CLEC4F: variants seen among roughly 807,000 people sequenced by gnomAD.
CLEC4F encodes C-type lectin domain family 4 member F.
CLEC4F carries 45 observed loss-of-function variants against 53.4 expected under a neutral mutation model. That is an observed-to-expected ratio of 0.84 (90% CI 0.66 to 1.08). The LOEUF is 1.08. Ranked by LOEUF, CLEC4F falls within the 50% of genes least tolerant of loss-of-function variation. The probability of loss-of-function intolerance (pLI) is 0.00; values close to 1 mark genes in which losing one functional copy is unlikely to be tolerated. For synonymous variants in CLEC4F, 245 were observed against 257.5 expected (o/e 0.95, Z 0.46); for missense variants, 753 against 698.2 (o/e 1.08, Z -0.88).
intron 4 of CLEC4F, 42 bp from the exon 5 acceptor site, chr2:70,812,640 G>C (rs1173600681): frequency 2.5e-6 from 4 of 1,606,286 alleles, no homozygotes; most frequent in Admixed American, 1.7e-5. Context: ...AGGAGCTGCT[G>C]GTAGGAGTCC....
At chr2:70,812,061 T>C (rs1015448955) in intron 5 of CLEC4F, among the ~76,000 whole-genome samples, 2 of 151,904 alleles carry the variant, frequency 1.3e-5, no homozygotes, top group Non-Finnish European at 2.9e-5. Flanking sequence ...GCTACTGCAC[T>C]CCAGCCTGGA....
intron 5 of CLEC4F, among the ~76,000 whole-genome samples, chr2:70,811,739 G>C (rs1553394320): frequency 6.6e-6 from 1 of 151,986 alleles, no homozygotes; most frequent in East Asian, 1.9e-4. Context: ...AAGAAGCCTG[G>C]GTCTCCTATT....
upstream of CLEC4F, among the ~76,000 whole-genome samples, chr2:70,821,948 G>A (rs1242266307): frequency 2.6e-5 from 4 of 151,964 alleles, no homozygotes; most frequent in African/African-American, 9.7e-5. Flanking sequence ...TTGTAGAGAT[G>A]GGATCTCTTT....
In CLEC4F at chr2:70,810,533, CCCTTGAA is replaced by C. The variant is rs1676491552; in HGVS notation, c.1540-683_1540-677del. Among the ~76,000 whole-genome samples the C allele has an allele frequency of 2.1e-5, 3 of 145,466 alleles. No individual in the cohort carries two copies. In the Admixed American group the frequency reaches 2.2e-4, roughly 11 times the overall value. On this transcript the variant is annotated intron_variant, in intron 5 of 6. Coordinates refer to ENST00000272367, the MANE Select transcript of CLEC4F (RefSeq NM_173535.3). Reference sequence around the variant, plus strand: ...ACTTGGGAAGCTGAGGCAGGAGAATCCCTTGAACCCGGGAGGCGGAGGTTGCAGTGAG... The same window carrying C: ...ACTTGGGAAGCTGAGGCAGGAGAATCCCCGGGAGGCGGAGGTTGCAGTGAG...
chr2:70,818,351 G>A (rs1202661358), intron 3 of CLEC4F, among the ~76,000 whole-genome samples: 1 of 152,192 alleles, frequency 6.6e-6, no homozygotes, highest in Non-Finnish European at 1.5e-5. Flanking sequence ...AACAAATGGT[G>A]CTGGAACAAT....
intron 4 of CLEC4F, 35 bp from the exon 5 acceptor site, chr2:70,812,633 A>G (rs782073937): frequency 1.9e-6 from 3 of 1,610,780 alleles, no homozygotes; most frequent in South Asian, 2.2e-5. Flanking sequence ...GAGAACCAGG[A>G]GCTGCTGGTA....
rs1676396000 is a variant in CLEC4F at position 70,809,133 on chromosome 2, G to C, written c.*138C>G. Reference sequence around the variant, plus strand: ...GATGAAGGCAGCATCCCTTCCTGGTGCTGTGGCTCCTAGGGAGCTGACATG... The same window carrying C: ...GATGAAGGCAGCATCCCTTCCTGGTCCTGTGGCTCCTAGGGAGCTGACATG... On this transcript the variant is annotated 3_prime_UTR_variant, in exon 7 of 7. Transcript: ENST00000272367. The C allele has an allele frequency of 6.4e-7, 1 of 1,551,544 alleles. No homozygotes were observed. The highest frequency in any genetic ancestry group is 1.4e-5 in the African/African-American group (1 of 73,110).
rs782481443 is a variant in CLEC4F, at chr2:70,809,796, G to C, written c.1601C>G (p.Thr534Arg). ...ATCTGTCCAGCGCCAGGAGCCCTCT[G>C]TGCCCCTGTCAGTGAGACCGATCCA... ...YYWIGLTDRGTEGSWRWTDGT... is the reference protein window; with the variant it reads ...YYWIGLTDRGREGSWRWTDGT... Residue 534 changes from threonine (T) to arginine (R), a missense_variant, in exon 6 of 7, where the codon ACA becomes AGA. Thr to Arg is a moderately conservative substitution (Grantham distance 71). Coordinates refer to ENST00000272367, the MANE Select transcript of CLEC4F (RefSeq NM_173535.3). 5 of 1,614,220 alleles carry C rather than the reference G, an allele frequency of 3.1e-6. No individual in the cohort carries two copies. Among genetic ancestry groups the C allele is most frequent in the Admixed American group, 1.7e-5 (1 of 60,018 alleles).
Position 70,816,455 on chromosome 2 carries a change from C to T in CLEC4F, c.926G>A (p.Ser309Asn). ...GATCTCAGCACTAGTGTTGTCAAAACTGCTTTTTATAAAGGCCTGGGTCTG... is the reference window on the plus strand; with the variant it reads ...GATCTCAGCACTAGTGTTGTCAAAATTGCTTTTTATAAAGGCCTGGGTCTG... ...NSQTQAFIKS[S>N]FDNTSAEIQF... Residue 309 changes from serine to asparagine, a missense_variant, in exon 4 of 7, where the codon AGT (serine) becomes AAT (asparagine). Ser to Asn is a conservative substitution (Grantham distance 46). Transcript: ENST00000272367. 1 of 1,614,112 alleles carries T rather than the reference C, an allele frequency of 6.2e-7. No homozygotes were observed. Among genetic ancestry groups the T allele is most frequent in the African/African-American group, 1.3e-5 (1 of 75,026 alleles).
Position 70,819,802 on chromosome 2 carries a change from A to C in CLEC4F, c.151T>G (p.Phe51Val). The change falls in exon 2 of 7, where the codon TTC becomes GTC. Residue 51 changes from phenylalanine (F) to valine (V), a missense_variant. By Grantham distance (50) the Phe-to-Val change is conservative (BLOSUM62 -1). Coordinates refer to ENST00000272367, the MANE Select transcript of CLEC4F (RefSeq NM_173535.3). Reference sequence around the variant, plus strand: ...ACTACAAAGAGAGTCACAAGAGAGAAGACCAAGGTCACAGCCATAAATGCC... The same window carrying C: ...ACTACAAAGAGAGTCACAAGAGAGACGACCAAGGTCACAGCCATAAATGCC... Reference protein sequence around the residue: ...TPAFMAVTLVFSLVTLFVVVQ... With the variant: ...TPAFMAVTLVVSLVTLFVVVQ... 6.2e-7 allele frequency: 1 copy of C among 1,604,740 alleles called. No individual in the cohort carries two copies. The highest frequency in any genetic ancestry group is 8.5e-7 in the Non-Finnish European group (1 of 1,176,110).
At position 70,812,533 on chromosome 2, in the gene CLEC4F, T is replaced by A; in HGVS notation, c.1453A>T (p.Ser485Cys). 1.2e-6 allele frequency: 2 copies of A among 1,614,112 alleles called. No individual in the cohort carries two copies. ...FNGGSLYYFS[S>C]VKKSWHEAEQ... ...GCCTCATGCCAAGACTTCTTGACAC[T>A]AGAAAAATAATATAAGCTTCCACCA... Residue 485 changes from serine to cysteine, a missense_variant, in exon 5 of 7, where the codon AGT (serine) becomes TGT (cysteine). Physicochemically the swap from Ser to Cys is moderately radical, Grantham distance 112. Transcript: ENST00000272367.
chr2:70,824,046 G>GA (rs1187004796), upstream of CLEC4F, among the ~76,000 whole-genome samples: 1 of 75,084 alleles, frequency 1.3e-5, no homozygotes, highest in African/African-American at 5.3e-5. Context: ...AAGAAAGAAA[G>GA]AAAGAAAGAA....
upstream of CLEC4F, among the ~76,000 whole-genome samples, chr2:70,824,645 A>AAAAAAAAAAAAAAG (rs1558624383): frequency 2.0e-5 from 3 of 150,772 alleles, no homozygotes; most frequent in East Asian, 1.9e-4. Flanking sequence ...AAAAAAAAAA[A>AAAAAAAAAAAAAAG]ACTGAGGGAA....
chr2:70,820,855 C>A (rs1288439506), upstream of CLEC4F, among the ~76,000 whole-genome samples: 4 of 152,132 alleles, frequency 2.6e-5, no homozygotes, highest in African/African-American at 9.7e-5. Context: ...GGACTGGCAC[C>A]TAGGAAGGGG....
intron 4 of CLEC4F, among the ~76,000 whole-genome samples, chr2:70,815,236 C>G (rs1435467515): frequency 6.6e-6 from 1 of 152,188 alleles, no homozygotes; most frequent in Non-Finnish European, 1.5e-5. Flanking sequence ...ACCCTATTTG[C>G]TTGGCAAACA....
chr2:70,824,398 G>T (rs1310296208), upstream of CLEC4F, among the ~76,000 whole-genome samples: 28 of 151,770 alleles, frequency 1.8e-4, no homozygotes, highest in Non-Finnish European at 3.8e-4. Flanking sequence ...AAAAAAATTA[G>T]ATGTACACAC....
intron 3 of CLEC4F, 63 bp downstream of exon 3, chr2:70,819,292 T>C (rs1574383166): frequency 8.1e-7 from 1 of 1,241,888 alleles, no homozygotes; most frequent in East Asian, 2.3e-5. Flanking sequence ...AAGCTCATCC[T>C]AGGGTCTGAG....
Position 70,816,051 on chromosome 2 carries a change from G to A in CLEC4F, c.1330C>T (p.Arg444Cys), listed in dbSNP as rs371084334. ...LTMEIQQEQS[R>C]LKTLHVVITS... Reference sequence around the variant, plus strand: ...ATGACCACATGGAGGGTCTTCAGGCGACTCTGCTCCTGCTGGATTTCCATG... The same window carrying A: ...ATGACCACATGGAGGGTCTTCAGGCAACTCTGCTCCTGCTGGATTTCCATG... The change falls in exon 4 of 7, where the codon CGC becomes TGC. Residue 444 changes from arginine (R) to cysteine (C), a missense_variant. By Grantham distance (180) the Arg-to-Cys change is radical. Coordinates refer to ENST00000272367, the MANE Select transcript of CLEC4F (RefSeq NM_173535.3). 1.5e-5 allele frequency: 25 copies of A among 1,614,056 alleles called. No individual in the cohort carries two copies. The highest frequency in any genetic ancestry group is 1.6e-4 in the Middle Eastern group (1 of 6,084).
chr2:70,823,255 A>C (rs1488537234), upstream of CLEC4F, among the ~76,000 whole-genome samples: 1 of 152,178 alleles, frequency 6.6e-6, no homozygotes, highest in Non-Finnish European at 1.5e-5. Context: ...AGCAGGAATG[A>C]AGGGTGAAGG....
Sources: allele counts gnomAD v4.1 joint callset (sites outside exome capture counted in the v4.1 genomes callset), GRCh38; gene constraint gnomAD v4.1.1; transcripts MANE v1.5; gene names NCBI Gene and HGNC (gene_info 2026-07-23, HGNC 2026-07-21).